Variants in MARCHF4 observed in about 807,000 individuals in gnomAD.
The protein encoded by MARCHF4 is E3 ubiquitin-protein ligase MARCHF4.
Under a neutral mutation model 43.9 loss-of-function variants are expected in MARCHF4, and 14 were observed. The observed-to-expected ratio is 0.32, with a 90% CI of 0.21 to 0.50. The LOEUF (loss-of-function observed/expected upper bound fraction) is 0.50. Ranked by LOEUF, MARCHF4 falls within the 20% of genes least tolerant of loss-of-function variation. The pLI is 0.98. For synonymous variants in MARCHF4, 226 were observed against 213.3 expected (o/e 1.06, Z -0.52); for missense variants, 468 against 536.7 (o/e 0.87, Z 1.27).
chr2:216,306,637 C>T (rs1367486230), intron 1 of MARCHF4, among the ~76,000 whole-genome samples: 1 of 152,070 alleles, frequency 6.6e-6, no homozygotes. Flanking sequence ...AGCAAGGGTA[C>T]GTTACTAACT....
intron 1 of MARCHF4, among the ~76,000 whole-genome samples, chr2:216,287,139 C>G (rs1020865726): frequency 6.6e-6 from 1 of 152,186 alleles, no homozygotes; most frequent in Non-Finnish European, 1.5e-5. Context: ...CCTGGCCCAG[C>G]TCAGACCCTC....
Position 216,283,631 on chromosome 2 carries a change from G to A in MARCHF4, c.615C>T (p.Cys205=), listed in dbSNP as rs61747668. ...CGTGGTACTTGTAGTAGCACAGCTC[G>A]CAGCTCCAGCAGCCCCGCTCGCTGA... ...KWISERGCWS[C]ELCYYKYHVI... is the part of the protein sequence containing the mutation. Residue 205 remains cysteine (C), a synonymous_variant, in exon 2 of 4, where the codon TGC becomes TGT. Coordinates refer to ENST00000273067, the MANE Select transcript of MARCHF4 (RefSeq NM_020814.3). The A allele has an allele frequency of 1.1e-4, 184 of 1,613,592 alleles. No homozygotes were observed. In the African/African-American group the frequency reaches 1.9e-3, roughly 17 times the overall value.
chr2:216,289,832 T>C (rs1691278602), intron 1 of MARCHF4, among the ~76,000 whole-genome samples: 1 of 152,144 alleles, frequency 6.6e-6, no homozygotes, highest in Non-Finnish European at 1.5e-5. Context: ...AACACCAGCC[T>C]TGGGGTGCAG....
rs145665103 is a variant in MARCHF4 at position 216,367,838 on chromosome 2, C to A, written c.516+1907G>T. Among the ~76,000 whole-genome samples the A allele has an allele frequency of 4.7e-3, 711 of 152,186 alleles. 5 individuals are homozygous for A. Among genetic ancestry groups the A allele is most frequent in the African/African-American group, 0.016 (668 of 41,524 alleles). On this transcript the variant is annotated intron_variant, in intron 1 of 3. Transcript: ENST00000273067. ...TTCTTTTTCTTTTTTCAATAAAATA[C>A]AGCTTTCTGTTATCAAAATACATGC... is the stretch of plus-strand genomic sequence containing the variant.
chr2:216,303,409 T>G (rs1261966625), intron 1 of MARCHF4: 2 of 152,254 alleles, frequency 1.3e-5, no homozygotes, highest in African/African-American at 4.8e-5. Context: ...GATAATTGAC[T>G]GCACAAATCA....
rs189454200 is a variant in MARCHF4, at chr2:216,325,228, G to T, written c.517-41499C>A. 2.1e-3 allele frequency among the ~76,000 whole-genome samples: 314 copies of T among 152,226 alleles called. 2 individuals carry two copies. Among genetic ancestry groups the T allele is most frequent in the African/African-American group, 7.4e-3 (308 of 41,540 alleles). ...CTCCCATTCACAATTGCTTCAAAGA[G>T]AATAAAATACCTAGGAATCCAACTT... On this transcript the variant is annotated intron_variant, in intron 1 of 3. Coordinates refer to ENST00000273067, the MANE Select transcript of MARCHF4 (RefSeq NM_020814.3).
chr2:216,353,779 C>T (rs929477883), intron 1 of MARCHF4, among the ~76,000 whole-genome samples: 2 of 152,186 alleles, frequency 1.3e-5, no homozygotes, highest in South Asian at 2.1e-4. Flanking sequence ...AACTCCTGAC[C>T]TCAAGTGATG....
In MARCHF4 at chr2:216,259,100, A is replaced by T. The variant is rs985925755; in HGVS notation, c.*212T>A. ...TGTTGTTGAGTTGGTGTTGGTTTTC[A>T]TTGTTGTTGTGGAGAGTGGCATTGA... On this transcript the variant is annotated 3_prime_UTR_variant, in exon 4 of 4. Transcript: ENST00000273067. 1.9e-6 allele frequency: 1 copy of T among 516,108 alleles called. No homozygotes were observed. 32.0% of individuals were successfully genotyped at this position (516,108 alleles called of 1,614,324 possible).
intron 1 of MARCHF4, among the ~76,000 whole-genome samples, chr2:216,310,370 T>G (rs879140195): frequency 6.6e-6 from 1 of 151,920 alleles, no homozygotes; most frequent in Non-Finnish European, 1.5e-5. Context: ...CAAGCAATCC[T>G]CCCCCCTCAG....
intron 3 of MARCHF4, among the ~76,000 whole-genome samples, chr2:216,276,486 C>G (rs191164569): frequency 6.6e-6 from 1 of 152,196 alleles, no homozygotes; most frequent in Non-Finnish European, 1.5e-5. Context: ...GGAGAGACAG[C>G]AAGATGGCTT....
intron 1 of MARCHF4, among the ~76,000 whole-genome samples, chr2:216,361,151 T>C (rs1435653708): frequency 6.6e-6 from 1 of 152,172 alleles, no homozygotes; most frequent in Non-Finnish European, 1.5e-5. Flanking sequence ...GCTAAAATAG[T>C]GCATGTCCAA....
chr2:216,291,208 G>A (rs1221101856), intron 1 of MARCHF4, among the ~76,000 whole-genome samples: 2 of 152,194 alleles, frequency 1.3e-5, no homozygotes, highest in Non-Finnish European at 2.9e-5. Flanking sequence ...ATGGCAAGAG[G>A]ACATTTTTCC....
chr2:216,300,892 C>T (rs747169456), intron 1 of MARCHF4, among the ~76,000 whole-genome samples: 2 of 152,082 alleles, frequency 1.3e-5, no homozygotes, highest in Non-Finnish European at 2.9e-5. Flanking sequence ...GGGTCCACTA[C>T]CACAAATGAA....
intron 3 of MARCHF4, among the ~76,000 whole-genome samples, chr2:216,271,810 A>G (rs1690942982): frequency 6.6e-6 from 1 of 151,522 alleles, no homozygotes; most frequent in African/African-American, 2.4e-5. Context: ...TTTTTTTTTG[A>G]GACATGGTCT....
At position 216,372,373 on chromosome 2, in the gene MARCHF4, G is replaced by T. The variant is rs1030184206; in HGVS notation, c.-2113C>A. 1.3e-5 allele frequency among the ~76,000 whole-genome samples: 2 copies of T among 152,174 alleles called. No individual in the cohort carries two copies. The highest frequency in any genetic ancestry group is 2.9e-5 in the Non-Finnish European group (2 of 68,038). ...TGGACAGCTCCCACCCAGACCCCGC[G>T]CGTCACGCTCGTGGGGGCCTGACGC... On this transcript the variant is annotated 5_prime_UTR_variant, in exon 1 of 4. Transcript: ENST00000273067.
intron 1 of MARCHF4, among the ~76,000 whole-genome samples, chr2:216,322,695 G>T (rs1691919918): frequency 1.3e-5 from 2 of 152,306 alleles, no homozygotes; most frequent in Middle Eastern, 6.8e-3. Flanking sequence ...GGTGGTGGGT[G>T]CCTGTAGTCC....
intron 1 of MARCHF4, among the ~76,000 whole-genome samples, chr2:216,331,588 TATC>T (rs1241872484): frequency 6.6e-6 from 1 of 152,052 alleles, no homozygotes; most frequent in Admixed American, 6.5e-5. Flanking sequence ...ACAAACAAAA[TATC>T]AGCAAATTGA....
intron 1 of MARCHF4, chr2:216,351,398 A>G (rs183331292): frequency 1.5e-4 from 23 of 152,710 alleles, no homozygotes; most frequent in African/African-American, 5.3e-4. Context: ...TATGCCAAGA[A>G]GCTTGGCTGG....
chr2:216,302,015 G>A (rs1446047123), intron 1 of MARCHF4, among the ~76,000 whole-genome samples: 1 of 151,926 alleles, frequency 6.6e-6, no homozygotes, highest in East Asian at 1.9e-4. Flanking sequence ...TAAATCTGTT[G>A]GCAAAAAGCA....
Sources: allele counts gnomAD v4.1 joint callset (sites outside exome capture counted in the v4.1 genomes callset), GRCh38; gene constraint gnomAD v4.1.1; transcripts MANE v1.5; gene names NCBI Gene and HGNC (gene_info 2026-07-23, HGNC 2026-07-21).